The following BUD13 variants were observed in gnomAD, a reference collection of about 807,000 sequenced individuals.
BUD13 encodes BUD13 homolog.
In BUD13, 47 loss-of-function variants were observed where a neutral mutation model predicts 62.5. That is an observed-to-expected ratio of 0.75 (90% confidence interval 0.60 to 0.96). The LOEUF (loss-of-function observed/expected upper bound fraction) is 0.96. BUD13 is among the 40% of genes least tolerant of loss of function. The pLI is 0.00. For synonymous variants in BUD13, 293 were observed against 280.1 expected (o/e 1.05, Z -0.46); for missense variants, 821 against 790.9 (o/e 1.04, Z -0.46).
Position 116,762,609 on chromosome 11 carries a change from G to A in BUD13, c.980C>T (p.Pro327Leu). Residue 327 changes from proline to leucine, a missense_variant, in exon 4 of 10, where the codon CCA (proline) becomes CTA (leucine). Physicochemically the swap from Pro to Leu is moderately conservative, Grantham distance 98 (BLOSUM62 -3). Transcript: ENST00000260210. ...KYEYDPDISP[P>L]RKKQAKSHFG... ...ATGGGATTTTGCTTGCTTTTTTCGT[G>A]GAGGAGAGATGTCAGGGTCATACTC... 6.2e-7 allele frequency: 1 copy of A among 1,611,836 alleles called. No homozygotes were observed. The highest frequency in any genetic ancestry group is 1.1e-5 in the South Asian group (1 of 90,592).
rs375360065 is a variant in BUD13, at chr11:116,748,465, C to G, written c.*17G>C. 1.9e-6 allele frequency: 3 copies of G among 1,613,262 alleles called. No individual in the cohort carries two copies. In the African/African-American group the frequency reaches 4.0e-5, roughly 22 times the overall value. Reference sequence around the variant, plus strand: ...GCCCACTACCACAGCCCAGCCACCCCCACAGCCTCAGGAAAGTTACATATC... The same window carrying G: ...GCCCACTACCACAGCCCAGCCACCCGCACAGCCTCAGGAAAGTTACATATC... On this transcript the variant is annotated 3_prime_UTR_variant, in exon 10 of 10. Transcript: ENST00000260210.
chr11:116,750,021 GT>G (rs1430568233), intron 9 of BUD13, among the ~76,000 whole-genome samples: 4 of 152,180 alleles, frequency 2.6e-5, no homozygotes, highest in Admixed American at 2.6e-4. Context: ...AATCTCTCAA[GT>G]CTAAATCAAT....
intron 9 of BUD13, 43 bp from the exon 10 acceptor site, chr11:116,748,618 G>C (rs765999305): frequency 1.3e-6 from 2 of 1,566,816 alleles, no homozygotes; most frequent in Non-Finnish European, 1.8e-6. Context: ...AACCCTGAAA[G>C]GGGCATTTGT....
intron 5 of BUD13, 62 bp downstream of exon 5, chr11:116,760,671 CAT>C (rs1205430238): frequency 1.3e-6 from 2 of 1,505,472 alleles, no homozygotes; most frequent in South Asian, 2.3e-5. Context: ...TTCTCTGGGA[CAT>C]ATATAAAGCT....
At chr11:116,761,170 GC>G (rs1940425647) in intron 4 of BUD13, among the ~76,000 whole-genome samples, 4 of 151,862 alleles carry the variant, frequency 2.6e-5, no homozygotes, top group African/African-American at 9.7e-5. Context: ...TTGTGCCTCA[GC>G]CTCCCAAGTA....
intron 5 of BUD13, 39 bp from the exon 6 acceptor site, chr11:116,759,218 T>G: frequency 1.4e-6 from 2 of 1,462,474 alleles, no homozygotes; most frequent in Non-Finnish European, 1.9e-6. Context: ...ATTAATGAGA[T>G]GATGTGACAG....
chr11:116,751,770 T>C (rs563709019), intron 9 of BUD13, among the ~76,000 whole-genome samples: 1 of 152,240 alleles, frequency 6.6e-6, no homozygotes, highest in African/African-American at 2.4e-5. Flanking sequence ...AATATGATAA[T>C]ACAAAGGACA....
Position 116,757,239 on chromosome 11 carries a change from AGT to A in BUD13, c.1685-14_1685-13del. 1 of 1,608,214 alleles carries A rather than the reference AGT, an allele frequency of 6.2e-7. No individual in the cohort carries two copies. Among genetic ancestry groups the A allele is most frequent in the South Asian group, 1.1e-5 (1 of 90,862 alleles). On this transcript the variant is annotated splice_polypyrimidine_tract_variant and intron_variant, in intron 8 of 9. Coordinates refer to ENST00000260210, the MANE Select transcript of BUD13 (RefSeq NM_032725.4). ...GTAGCGAGGTCTCACTAATGAGAGG[AGT>A]AAGAAAAAAGTATTCAGTTAATGAC...
chr11:116,771,820 T>C (rs1251997638), intron 1 of BUD13, among the ~76,000 whole-genome samples: 1 of 152,242 alleles, frequency 6.6e-6, no homozygotes, highest in African/African-American at 2.4e-5. Flanking sequence ...TTAGGGTTAC[T>C]GTAACAAAGT....
In BUD13 at chr11:116,758,295, ATC is replaced by A; in HGVS notation, c.1471_1472del (p.Asp491Ter). The part of the protein sequence containing the change: ...RRKAEKDSER[D>X]ELYAQWGKGL... ...CTTTTCCCCACTGGGCATACAGCTCATCTCTCTCTGAGTCCTTTTCTGCTTTC... is the reference window on the plus strand; with the variant it reads ...CTTTTCCCCACTGGGCATACAGCTCATCTCTCTGAGTCCTTTTCTGCTTTC... On this transcript the variant is annotated frameshift_variant, in exon 7 of 10. Coordinates refer to ENST00000260210, the MANE Select transcript of BUD13 (RefSeq NM_032725.4). LOFTEE classifies it high-confidence loss of function. 6.2e-7 allele frequency: 1 copy of A among 1,614,114 alleles called. No homozygotes were observed. The highest frequency in any genetic ancestry group is 8.5e-7 in the Non-Finnish European group (1 of 1,179,984).
intron 9 of BUD13, among the ~76,000 whole-genome samples, chr11:116,749,294 C>A (rs1304176929): frequency 6.6e-6 from 1 of 152,108 alleles, no homozygotes; most frequent in Admixed American, 6.5e-5. Context: ...CTGATGAACT[C>A]CCAGACTAGT....
intron 9 of BUD13, among the ~76,000 whole-genome samples, chr11:116,751,326 G>A (rs956040013): frequency 3.9e-5 from 6 of 152,166 alleles, no homozygotes; most frequent in African/African-American, 7.2e-5. Flanking sequence ...GAGTAACAGA[G>A]GGCTTTAAGA....
rs780788562 is a variant in BUD13 at position 116,757,222 on chromosome 11, G to T, written c.1690C>A (p.Pro564Thr). ...AKENKNKKVR[P>T]RYSGPAPPPN... is the part of the protein sequence containing the mutation. ...GGAGGTGCTGGACCACTGTAGCGAG[G>T]TCTCACTAATGAGAGGAGTAAGAAA... Residue 564 changes from proline (P) to threonine (T), a missense_variant, in exon 9 of 10, where the codon CCT (proline) becomes ACT (threonine). This residue lies in a region of BUD13 where 800 missense variants were observed against 739.2 expected (regional missense o/e 1.08). Transcript: ENST00000260210. 2 of 1,613,912 alleles carry T rather than the reference G, an allele frequency of 1.2e-6. No individual in the cohort carries two copies. The highest frequency in any genetic ancestry group is 1.3e-5 in the African/African-American group (1 of 75,056).
intron 7 of BUD13, 33 bp from the exon 8 acceptor site, chr11:116,757,983 C>A: frequency 6.2e-7 from 1 of 1,608,578 alleles, no homozygotes. Context: ...TGTTTGCTAT[C>A]CTGTATGACA....
In BUD13 at chr11:116,760,055, C is replaced by A. The variant is rs775161948; in HGVS notation, c.1254+680G>T. ...GGGGTTTTTTGGCTAATTCATCAAG[C>A]CTTATCATGAATTTAAAACAAACCA... On this transcript the variant is annotated intron_variant, in intron 5 of 9. Transcript: ENST00000260210. 2.0e-5 allele frequency among the ~76,000 whole-genome samples: 3 copies of A among 152,256 alleles called. No homozygotes were observed. The East Asian group carries it at 5.8e-4, about 29-fold the overall frequency.
rs773944121 is a variant in BUD13 at position 116,760,966 on chromosome 11, A to C, written c.1037-14T>G. The C allele has an allele frequency of 2.0e-5, 33 of 1,611,070 alleles. No homozygotes were observed. The highest frequency in any genetic ancestry group is 1.7e-4 in the Middle Eastern group (1 of 6,040). ...TCTGGCAGTCACCTGGATAGGAGCA[A>C]AGAATCTGTGTGACTCTGATGTCCT... On this transcript the variant is annotated splice_polypyrimidine_tract_variant and intron_variant, in intron 4 of 9. Transcript: ENST00000260210.
Position 116,749,924 on chromosome 11 carries a change from A to G in BUD13, c.1767-1349T>C, listed in dbSNP as rs1198997540. On this transcript the variant is annotated intron_variant, in intron 9 of 9. Transcript: ENST00000260210. Reference sequence around the variant, plus strand: ...ATTGATTAGGTACACAAGGACAAAGAAGGAGGAGGCAAGTTAGAGAGCACA... The same window carrying G: ...ATTGATTAGGTACACAAGGACAAAGGAGGAGGAGGCAAGTTAGAGAGCACA... Among the ~76,000 whole-genome samples the G allele has an allele frequency of 3.3e-5, 5 of 152,184 alleles. 1 individual carries two copies. The highest frequency in any genetic ancestry group is 2.0e-4 in the Admixed American group (3 of 15,276).
intron 9 of BUD13, among the ~76,000 whole-genome samples, chr11:116,748,980 C>CAAAAAAAAAAAAAAAAA (rs58988682): frequency 2.3e-5 from 2 of 87,016 alleles, no homozygotes; most frequent in Admixed American, 1.3e-4. Flanking sequence ...GACTCTGTCT[C>CAAAAAAAAAAAAAAAAA]AAAAAAAAAA....
intron 5 of BUD13, 25 bp from the exon 6 acceptor site, chr11:116,759,204 C>T (rs1464646020): frequency 3.2e-6 from 5 of 1,545,852 alleles, no homozygotes; most frequent in Non-Finnish European, 4.5e-6. Context: ...AGGGAGCATC[C>T]AACATTAATG....
Sources: gnomAD v4.1 joint callset for allele counts (sites outside exome capture counted in the v4.1 genomes callset) on GRCh38, gnomAD v4.1.1 for gene constraint, gnomAD v4.1.1 regional missense constraint, MANE v1.5 for transcripts, NCBI Gene and HGNC (gene_info 2026-07-23, HGNC 2026-07-21) for gene names.